The following SPEF2 variants were observed in gnomAD, a reference collection of about 807,000 sequenced individuals.
SPEF2 encodes sperm flagellar and cilia associated 2, also known as sperm flagella and cilia-associated protein 2.
Under a neutral mutation model 224.6 loss-of-function variants are expected in SPEF2, and 187 were observed. The ratio of observed to expected loss-of-function variants is 0.83; its 90% CI spans 0.74 to 0.94. The LOEUF is 0.94. SPEF2 is among the 40% of genes least tolerant of loss of function. SPEF2 has a pLI of 0.00. For missense variants in SPEF2, 2,170 were observed against 2,135.6 expected (o/e 1.02, Z -0.32); for synonymous variants, 715 against 707.3 (o/e 1.01, Z -0.17).
chr5:35,683,905 A>G (rs993960373), intron 10 of SPEF2: 1 of 152,232 alleles, frequency 6.6e-6, no homozygotes, highest in African/African-American at 2.4e-5. Flanking sequence ...GACAGTTTAC[A>G]TAAATCAAGG....
chr5:35,634,418 C>G (rs554758873), intron 2 of SPEF2, among the ~76,000 whole-genome samples: 1 of 152,192 alleles, frequency 6.6e-6, no homozygotes, highest in Admixed American at 6.5e-5. Flanking sequence ...TCTCTTGATG[C>G]TTTTAAGATT....
chr5:35,695,922 A>G, intron 14 of SPEF2, 126 bp downstream of exon 14: 1 of 601,070 alleles, frequency 1.7e-6, no homozygotes, highest in Admixed American at 3.4e-5. Flanking sequence ...AGTTAATTTG[A>G]TGGTATAATA....
At chr5:35,785,638 C>G (rs961425691) in intron 30 of SPEF2, among the ~76,000 whole-genome samples, 2 of 137,268 alleles carry the variant, frequency 1.5e-5, no homozygotes, top group African/African-American at 3.3e-5. Context: ...TCAGCACAAC[C>G]CCCCCCCACC....
intron 20 of SPEF2, among the ~76,000 whole-genome samples, chr5:35,723,691 T>TAA (rs1411867567): frequency 6.6e-6 from 1 of 152,188 alleles, no homozygotes; most frequent in East Asian, 1.9e-4. Flanking sequence ...AAAGACACAA[T>TAA]GCTTATTGTG....
chr5:35,704,728 G>A lies in SPEF2; in HGVS notation c.2507+66G>A, dbSNP rs148606327. The A allele has an allele frequency of 4.8e-5, 44 of 920,682 alleles. No homozygotes were observed. The African/African-American group carries it at 6.0e-4, about 12-fold the overall frequency. 57.0% of individuals were successfully genotyped at this position (920,682 alleles called of 1,614,324 possible). A position where few individuals can be genotyped will look rare whatever the true frequency, so the allele number is the denominator to read the frequency against. ...TTTTAAATAGATTGACAACAACTTT[G>A]GAATCATCAGATCTAGAAGAATATC... is the stretch of plus-strand genomic sequence containing the variant. On this transcript the variant is annotated intron_variant, in intron 17 of 36. Coordinates refer to ENST00000356031, the MANE Select transcript of SPEF2 (RefSeq NM_024867.4).
At chr5:35,719,893 T>A (rs150130892) in intron 20 of SPEF2, among the ~76,000 whole-genome samples, 4,259 of 152,198 alleles carry the variant, frequency 0.028, 213 homozygotes, top group African/African-American at 0.097. Flanking sequence ...GTGCTGGGAT[T>A]ACAAGTGTGA....
intron 26 of SPEF2, among the ~76,000 whole-genome samples, chr5:35,767,452 G>T (rs1335247808): frequency 6.6e-6 from 1 of 151,762 alleles, no homozygotes; most frequent in Non-Finnish European, 1.5e-5. Context: ...AATTGCCCTA[G>T]GAATTACACC....
intron 17 of SPEF2, 140 bp downstream of exon 17, chr5:35,704,802 T>C (rs1399321129): frequency 2.1e-5 from 13 of 622,394 alleles, no homozygotes; most frequent in Non-Finnish European, 3.4e-5. Context: ...CTAAGTAGTT[T>C]TGACAATAAG....
intron 2 of SPEF2, among the ~76,000 whole-genome samples, chr5:35,629,095 C>T (rs1744695205): frequency 6.7e-6 from 1 of 148,912 alleles, no homozygotes; most frequent in South Asian, 2.1e-4. Flanking sequence ...AAGACCTCAT[C>T]TCTAAATGGG....
At chr5:35,704,709 A>G in intron 17 of SPEF2, 47 bp downstream of exon 17, 1 of 1,091,994 alleles carries the variant, frequency 9.2e-7, no homozygotes, top group Admixed American at 1.8e-5. Context: ...TGCTTTTTAA[A>G]TAGATTGACA....
intron 24 of SPEF2, among the ~76,000 whole-genome samples, chr5:35,754,000 C>T (rs1750077090): frequency 6.6e-6 from 1 of 152,088 alleles, no homozygotes; most frequent in South Asian, 2.1e-4. Context: ...CAGCTTTGCT[C>T]CCAGGTGGCC....
At chr5:35,727,941 C>T in intron 21 of SPEF2, 118 bp downstream of exon 21, 4 of 1,088,570 alleles carry the variant, frequency 3.7e-6, no homozygotes, top group Non-Finnish European at 3.8e-6. Flanking sequence ...TATATCTATC[C>T]ATCTGAGATT....
intron 8 of SPEF2, among the ~76,000 whole-genome samples, chr5:35,660,116 T>G (rs867704827): frequency 1.3e-5 from 2 of 152,194 alleles, no homozygotes; most frequent in African/African-American, 2.4e-5. Flanking sequence ...TTTAATTATT[T>G]AATAGATTAT....
intron 4 of SPEF2, among the ~76,000 whole-genome samples, chr5:35,645,852 A>C (rs1425485422): frequency 6.6e-6 from 1 of 152,178 alleles, no homozygotes; most frequent in African/African-American, 2.4e-5. Context: ...CAATTAAATA[A>C]ATATTCATAT....
chr5:35,755,672 C>T (rs573088339), intron 24 of SPEF2, among the ~76,000 whole-genome samples: 104 of 152,270 alleles, frequency 6.8e-4, no homozygotes, highest in Non-Finnish European at 1.1e-3. Context: ...TGCAATGGTG[C>T]GATCTCACCT....
At chr5:35,661,254 TTATATATATATA>T (rs550178866) in intron 8 of SPEF2, among the ~76,000 whole-genome samples, 1,045 of 93,972 alleles carry the variant, frequency 0.011, 18 homozygotes, top group African/African-American at 0.019. Context: ...TTGGTATATA[TTATATATATATA>T]TATATATATA....
At chr5:35,637,803 T>G (rs573389814) in intron 2 of SPEF2, among the ~76,000 whole-genome samples, 1 of 152,270 alleles carries the variant, frequency 6.6e-6, no homozygotes, top group South Asian at 2.1e-4. Flanking sequence ...TACCTAGCCT[T>G]GCTGCCACCA....
At chr5:35,800,252 AG>A (rs1388771488) in intron 34 of SPEF2, 105 bp downstream of exon 34, 1 of 1,287,048 alleles carries the variant, frequency 7.8e-7, no homozygotes. Context: ...GTATTTTCCT[AG>A]GTGTGTAATA....
At chr5:35,680,173 GT>G (rs1752587509) in intron 10 of SPEF2, among the ~76,000 whole-genome samples, 1 of 152,136 alleles carries the variant, frequency 6.6e-6, no homozygotes, top group African/African-American at 2.4e-5. Context: ...TTAATAAACT[GT>G]TTTTCATATA....
Sources: gnomAD v4.1 joint callset for allele counts (sites outside exome capture counted in the v4.1 genomes callset) on GRCh38, gnomAD v4.1.1 for gene constraint, MANE v1.5 for transcripts, NCBI Gene and HGNC (gene_info 2026-07-23, HGNC 2026-07-21) for gene names.